The following MUC22 variants were observed in gnomAD, a reference collection of about 807,000 sequenced individuals.
MUC22 encodes the protein mucin-22.
In MUC22, 24 loss-of-function variants were observed where a neutral mutation model predicts 40.3. That is an observed-to-expected ratio of 0.60 (90% CI 0.43 to 0.84). The LOEUF (loss-of-function observed/expected upper bound fraction) is 0.84, where lower values mean the gene tolerates loss of function less well. Among genes scored for constraint, MUC22 ranks in the 40% least tolerant of loss-of-function variants. MUC22 has a pLI of 0.00. For synonymous variants in MUC22, 765 were observed against 844.5 expected (o/e 0.91, Z 1.63); for missense variants, 1,926 against 2,130.7 (o/e 0.90, Z 1.89).
At chr6:31,021,854 C>T (rs185420195) in intron 1 of MUC22, among the ~76,000 whole-genome samples, 2,628 of 152,204 alleles carry the variant, frequency 0.017, 33 homozygotes, top group Middle Eastern at 0.031. Context: ...GGGTCGTTTT[C>T]CACACTGTGG....
rs1283044770 is a variant in MUC22 at position 31,028,144 on chromosome 6, A to T, written c.2713A>T (p.Thr905Ser). ...TACAGTCTCCACCACAGACTCTGAG[A>T]CCACCATGGTCTCTACCACAGGCTC... Residue 905 changes from threonine (T) to serine (S), a missense_variant, in exon 2 of 4, where the codon ACC (threonine) becomes TCC (serine). Thr to Ser is a moderately conservative substitution (Grantham distance 58, BLOSUM62 1). Coordinates refer to ENST00000561890, the Ensembl canonical transcript of MUC22. 9 of 1,534,072 alleles carry T rather than the reference A, an allele frequency of 5.9e-6. 1 individual carries two copies. The highest frequency in any genetic ancestry group is 2.8e-5 in the African/African-American group (2 of 72,542).
At chr6:31,027,662 A>G in exon 2 of MUC22, 1 of 1,530,860 alleles carries the variant, frequency 6.5e-7, no homozygotes, top group South Asian at 1.2e-5. Context: ...ACAGGCTTGG[A>G]GACCACCACA....
At chr6:31,012,377 C>T (rs866916864) in intron 1 of MUC22, among the ~76,000 whole-genome samples, 3 of 152,364 alleles carry the variant, frequency 2.0e-5, no homozygotes, top group African/African-American at 4.8e-5. Flanking sequence ...CAACTGTTCT[C>T]TACCTACCCA....
rs1765403802 is a variant in MUC22 at position 31,026,760 on chromosome 6, C to T, written c.1329C>T (p.Gly443=). 1.9e-5 allele frequency: 28 copies of T among 1,508,406 alleles called. 2 individuals carry two copies. The highest frequency in any genetic ancestry group is 2.5e-5 in the East Asian group (1 of 40,626). The allele number at this position is 1,508,406 out of a possible 1,614,324, so 93.4% of individuals were successfully genotyped here. ...AAACCATCACACCCTCTACTGCAGG[C>T]TCAGAGACCACCACAGTCTCTACTG... Residue 443 remains glycine (G), a synonymous_variant, in exon 2 of 4, where the codon GGC becomes GGT. Coordinates refer to ENST00000561890, the Ensembl canonical transcript of MUC22.
exon 2 of MUC22, chr6:31,029,005 G>A (rs1252219807): frequency 2.0e-6 from 3 of 1,533,468 alleles, no homozygotes; most frequent in Non-Finnish European, 2.6e-6. Flanking sequence ...CTCTACTGAA[G>A]GCTCTGAGCT....
intron 1 of MUC22, among the ~76,000 whole-genome samples, chr6:31,023,338 C>G (rs1167636939): frequency 6.6e-5 from 10 of 152,098 alleles, no homozygotes; most frequent in Non-Finnish European, 1.0e-4. Context: ...GAGTTCGAGA[C>G]AAGCCCAGGC....
At chr6:31,026,804 C>G (rs1461273413) in exon 2 of MUC22, 1 of 1,500,550 alleles carries the variant, frequency 6.7e-7, no homozygotes, top group African/African-American at 1.4e-5. Context: ...GAGACCACTA[C>G]AGTCTCCACC....
At chr6:31,029,360 C>G (rs1463303246) in exon 2 of MUC22, 1 of 1,535,206 alleles carries the variant, frequency 6.5e-7, no homozygotes, top group South Asian at 1.2e-5. Flanking sequence ...ACCACCTCTA[C>G]TGAAGGCTCT....
exon 2 of MUC22, chr6:31,026,902 A>G (rs1463562737): frequency 6.6e-7 from 1 of 1,505,484 alleles, no homozygotes; most frequent in Non-Finnish European, 8.9e-7. Context: ...CAAAGTCTCA[A>G]CTGCAGGCTC....
rs190871422 is a variant in MUC22 at position 31,014,515 on chromosome 6, T to C, written c.70+3739T>C. On this transcript the variant is annotated intron_variant, in intron 1 of 3. Transcript: ENST00000561890. ...TAAATTCTTATCTTTTTTCTGGCTT[T>C]ATTTTTCCATCTTGGAGCATCACTT... Among the ~76,000 whole-genome samples, 16 of 152,340 alleles carry C rather than the reference T, an allele frequency of 1.1e-4. No homozygotes were observed. The East Asian group carries it at 3.1e-3, about 29-fold the overall frequency.
intron 1 of MUC22, among the ~76,000 whole-genome samples, chr6:31,015,187 T>C (rs1378224688): frequency 6.6e-6 from 1 of 152,188 alleles, no homozygotes; most frequent in African/African-American, 2.4e-5. Context: ...ATAGAGGAGC[T>C]ATGGCTCTGG....
chr6:31,017,150 G>T (rs561756029), intron 1 of MUC22, among the ~76,000 whole-genome samples: 1 of 152,222 alleles, frequency 6.6e-6, no homozygotes, highest in Admixed American at 6.5e-5. Flanking sequence ...TGCGGCACCC[G>T]GTCCCATAGA....
At chr6:31,017,923 C>A (rs1024985952) in intron 1 of MUC22, among the ~76,000 whole-genome samples, 1 of 152,184 alleles carries the variant, frequency 6.6e-6, no homozygotes, top group African/African-American at 2.4e-5. Context: ...CTCTTTGAGT[C>A]CACACTGCGT....
At chr6:31,031,735 G>T (rs1163253895) in intron 2 of MUC22, among the ~76,000 whole-genome samples, 1 of 148,898 alleles carries the variant, frequency 6.7e-6, no homozygotes, top group Non-Finnish European at 1.5e-5. Context: ...CCATAGCTTA[G>T]CTCCCACATA....
intron 1 of MUC22, among the ~76,000 whole-genome samples, chr6:31,020,572 G>A (rs1205735785): frequency 1.3e-5 from 2 of 151,676 alleles, no homozygotes; most frequent in East Asian, 1.9e-4. Context: ...AGTCCTCAGA[G>A]CCCTCGCTTG....
At chr6:31,012,717 C>A (rs115890601) in intron 1 of MUC22, among the ~76,000 whole-genome samples, 3,277 of 152,258 alleles carry the variant, frequency 0.022, 55 homozygotes, top group Admixed American at 0.039. Context: ...ATAAAGTAAC[C>A]AACAGTGTCT....
Position 31,011,687 on chromosome 6 carries a change from C to T in MUC22, c.70+911C>T, listed in dbSNP as rs1242917851. Among the ~76,000 whole-genome samples, 1 of 152,138 alleles carries T rather than the reference C, an allele frequency of 6.6e-6. No individual in the cohort carries two copies. The highest frequency in any genetic ancestry group is 2.4e-5 in the African/African-American group (1 of 41,426). ...TCTTTTTTGTATAATGACTTCTTTTCCTCTGGGTAGATACCCAGTAGTGGG... is the reference window on the plus strand; with the variant it reads ...TCTTTTTTGTATAATGACTTCTTTTTCTCTGGGTAGATACCCAGTAGTGGG... On this transcript the variant is annotated intron_variant, in intron 1 of 3. Transcript: ENST00000561890. This position sits in a 1 kb window ranked among gnomAD's most constrained non-coding sequence, Gnocchi z 4.5.
At chr6:31,018,487 A>G (rs3873345) in intron 1 of MUC22, among the ~76,000 whole-genome samples, 22,102 of 152,152 alleles carry the variant, frequency 0.15, 1,767 homozygotes, top group African/African-American at 0.19. Flanking sequence ...GTTGTGTTGG[A>G]GAGTTACCAC....
intron 1 of MUC22, among the ~76,000 whole-genome samples, chr6:31,022,015 A>G (rs750322463): frequency 2.6e-4 from 40 of 152,224 alleles, no homozygotes; most frequent in Non-Finnish European, 4.4e-4. Flanking sequence ...AGGAAGGAAC[A>G]ATTCCACACG....
Sources: gnomAD v4.1 joint callset for allele counts (sites outside exome capture counted in the v4.1 genomes callset) on GRCh38, gnomAD v4.1.1 for gene constraint, Gnocchi (gnomAD v3.1) non-coding constraint, MANE v1.5 for transcripts, NCBI Gene and HGNC (gene_info 2026-07-23, HGNC 2026-07-21) for gene names.